PTK2: variants seen among roughly 807,000 people sequenced by gnomAD.
PTK2 encodes the protein protein tyrosine kinase 2, also known as focal adhesion kinase 1.
Under a neutral mutation model 150.1 loss-of-function variants are expected in PTK2, and 45 were observed. The observed-to-expected ratio is 0.30, with a 90% CI of 0.24 to 0.38. PTK2 has a LOEUF of 0.38. PTK2 is among the 10% of genes least tolerant of loss of function. The probability of loss-of-function intolerance (pLI) is 1.00; values close to 1 mark genes in which losing one functional copy is unlikely to be tolerated. For synonymous variants in PTK2, 432 were observed against 449.2 expected (o/e 0.96, Z 0.48); for missense variants, 919 against 1,307.3 (o/e 0.70, Z 4.58).
chr8:140,831,845 TC>T (rs2100115602), intron 7 of PTK2, among the ~76,000 whole-genome samples: 1 of 152,154 alleles, frequency 6.6e-6, no homozygotes, highest in Non-Finnish European at 1.5e-5. Context: ...GGGAAAAGAA[TC>T]CACACAAGTT....
chr8:140,754,822 GGGC>G (rs2100064705), intron 16 of PTK2, among the ~76,000 whole-genome samples: 1 of 152,202 alleles, frequency 6.6e-6, no homozygotes. Flanking sequence ...ACTGTTAGAA[GGGC>G]CAGTTACAGA....
intron 1 of PTK2, among the ~76,000 whole-genome samples, chr8:140,970,846 T>C (rs1054089487): frequency 1.7e-4 from 9 of 53,526 alleles, no homozygotes; most frequent in African/African-American, 2.9e-4. Flanking sequence ...TGTTAAGTTG[T>C]CTGACTACAA....
intron 5 of PTK2, among the ~76,000 whole-genome samples, chr8:140,853,524 C>T (rs1027969861): frequency 2.0e-5 from 3 of 151,896 alleles, no homozygotes; most frequent in African/African-American, 7.3e-5. Flanking sequence ...ATGAACTCAT[C>T]CTTTTTTATG....
intron 10 of PTK2, among the ~76,000 whole-genome samples, chr8:140,807,842 G>A (rs1319520436): frequency 6.6e-6 from 1 of 152,092 alleles, no homozygotes; most frequent in Non-Finnish European, 1.5e-5. Flanking sequence ...ACATCGTATT[G>A]CTGTTGGACA....
At chr8:140,864,250 A>G in intron 5 of PTK2, 62 bp downstream of exon 5, 3 of 966,618 alleles carry the variant, frequency 3.1e-6, no homozygotes, top group Non-Finnish European at 4.4e-6. Context: ...GAAAATAAAA[A>G]TATGCAATAA....
At chr8:140,949,754 T>C (rs2100178882) in intron 1 of PTK2, among the ~76,000 whole-genome samples, 1 of 152,050 alleles carries the variant, frequency 6.6e-6, no homozygotes, top group Non-Finnish European at 1.5e-5. Flanking sequence ...GGCTTGTTGA[T>C]GGTGGGAGAA....
intron 1 of PTK2, among the ~76,000 whole-genome samples, chr8:140,995,293 G>A (rs11784642): frequency 0.43 from 62,597 of 146,940 alleles, 14,991 homozygotes; most frequent in Non-Finnish European, 0.55. Context: ...TGACGCAGGC[G>A]AATCGCTTGA....
At chr8:140,794,375 C>A (rs1246728155) in intron 12 of PTK2, among the ~76,000 whole-genome samples, 3 of 152,156 alleles carry the variant, frequency 2.0e-5, no homozygotes, top group African/African-American at 7.2e-5. Flanking sequence ...CACCCATCTA[C>A]CACTCACCAC....
chr8:141,000,620 C>T (rs2100199795), intron 1 of PTK2, among the ~76,000 whole-genome samples: 1 of 151,706 alleles, frequency 6.6e-6, no homozygotes, highest in East Asian at 2.0e-4. Flanking sequence ...CCGGCCTCCT[C>T]GTCTTCCTCA....
chr8:140,751,484 C>T (rs2100062634), intron 17 of PTK2, among the ~76,000 whole-genome samples: 1 of 151,424 alleles, frequency 6.6e-6, no homozygotes, highest in Admixed American at 6.6e-5. Flanking sequence ...GTGATTTGTT[C>T]TTTTTCTTTC....
intron 1 of PTK2, among the ~76,000 whole-genome samples, chr8:140,930,499 C>A (rs1309289483): frequency 6.6e-6 from 1 of 152,116 alleles, no homozygotes; most frequent in East Asian, 1.9e-4. Flanking sequence ...TATATAAGCA[C>A]TTAAAGTTAT....
chr8:140,833,911 C>T (rs1385305665), intron 7 of PTK2, among the ~76,000 whole-genome samples: 1 of 152,160 alleles, frequency 6.6e-6, no homozygotes, highest in Non-Finnish European at 1.5e-5. Flanking sequence ...TGAACCCATA[C>T]ACAGATGACA....
intron 29 of PTK2, among the ~76,000 whole-genome samples, chr8:140,671,946 C>T (rs1338012129): frequency 3.2e-5 from 3 of 95,130 alleles, no homozygotes; most frequent in South Asian, 3.4e-4. Flanking sequence ...GGGCGGGGGG[C>T]GGGAATCTTT....
intron 8 of PTK2, among the ~76,000 whole-genome samples, chr8:140,823,875 G>A (rs933189684): frequency 1.3e-5 from 2 of 152,152 alleles, no homozygotes; most frequent in Non-Finnish European, 2.9e-5. Context: ...TAGACCAGTA[G>A]CTAAGTCCTG....
rs1181421194 is a variant in PTK2 at position 140,693,564 on chromosome 8, T to TTAAAAAAA, written c.2500-6871_2500-6870insTTTTTTTA. Among the ~76,000 whole-genome samples, 44 of 72,458 alleles carry TTAAAAAAA rather than the reference T, an allele frequency of 6.1e-4. 13 individuals carry two copies. The highest frequency in any genetic ancestry group is 2.5e-3 in the African/African-American group (41 of 16,654). The allele number at this position is 72,458 out of a possible 152,430, so 47.5% of individuals were successfully genotyped here. A position where few individuals can be genotyped will look rare whatever the true frequency, so the allele number is the denominator to read the frequency against. ...CCACAGAGTGAGACTTTGTCTCAAT[T>TTAAAAAAA]AAAAAAAAAAAAAAAAAAAAAAAAA... On this transcript the variant is annotated intron_variant, in intron 26 of 31. Coordinates refer to ENST00000522684, the Ensembl canonical transcript of PTK2.
intron 8 of PTK2, among the ~76,000 whole-genome samples, chr8:140,825,390 A>G (rs561503795): frequency 6.6e-6 from 1 of 152,346 alleles, no homozygotes; most frequent in East Asian, 1.9e-4. Context: ...AGAAATGAAA[A>G]TAATGACTAT....
At position 140,847,482 on chromosome 8, in the gene PTK2, G is replaced by C. The variant is rs538209228; in HGVS notation, c.451-804C>G. On this transcript the variant is annotated intron_variant, in intron 5 of 31. Coordinates refer to ENST00000522684, the Ensembl canonical transcript of PTK2. ...ACGAAATGTGTACAATTTCCTTGTA[G>C]ATTAGCCTGAAAAGATTAAAATCTG... is the stretch of plus-strand genomic sequence containing the variant. 7.9e-5 allele frequency among the ~76,000 whole-genome samples: 12 copies of C among 152,278 alleles called. No individual in the cohort carries two copies. The South Asian group carries it at 2.3e-3, about 29-fold the overall frequency.
At chr8:140,856,719 T>C (rs761306538) in intron 5 of PTK2, among the ~76,000 whole-genome samples, 6 of 152,208 alleles carry the variant, frequency 3.9e-5, no homozygotes, top group Non-Finnish European at 8.8e-5. Context: ...TTCTGGTGTA[T>C]GTATCTGTGA....
intron 4 of PTK2, among the ~76,000 whole-genome samples, chr8:140,878,542 C>T (rs1411613242): frequency 6.6e-6 from 1 of 151,906 alleles, no homozygotes; most frequent in Non-Finnish European, 1.5e-5. Context: ...TGCAGTGAGC[C>T]ATGTTCATGC....
Sources: gnomAD v4.1 joint callset for allele counts (sites outside exome capture counted in the v4.1 genomes callset) on GRCh38, gnomAD v4.1.1 for gene constraint, MANE v1.5 for transcripts, NCBI Gene and HGNC (gene_info 2026-07-23, HGNC 2026-07-21) for gene names.